PITPNB: variants seen among roughly 807,000 people sequenced by gnomAD.
The protein encoded by PITPNB is phosphatidylinositol transfer protein beta isoform.
PITPNB carries 16 observed loss-of-function variants against 45.9 expected under a neutral mutation model. The ratio of observed to expected loss-of-function variants is 0.35; its 90% confidence interval spans 0.24 to 0.53. The LOEUF (loss-of-function observed/expected upper bound fraction) is 0.53, where lower values mean the gene tolerates loss of function less well. Among genes scored for constraint, PITPNB ranks in the 20% least tolerant of loss-of-function variants. The pLI, the probability that PITPNB is intolerant of heterozygous loss-of-function variation, is 0.93. For missense variants in PITPNB, 188 were observed against 330.5 expected (o/e 0.57, Z 3.34); for synonymous variants, 112 against 108.9 (o/e 1.03, Z -0.18).
chr22:27,901,657 G>C (rs1193923406), intron 3 of PITPNB, among the ~76,000 whole-genome samples: 6 of 152,156 alleles, frequency 3.9e-5, no homozygotes. Flanking sequence ...GTCAAGGTGG[G>C]AGGATCACCT....
chr22:27,895,498 G>A (rs1259428641), intron 6 of PITPNB, among the ~76,000 whole-genome samples: 1 of 141,406 alleles, frequency 7.1e-6, no homozygotes, highest in African/African-American at 2.5e-5. Context: ...GCTGAGGCAG[G>A]AGAATTGCTT....
chr22:27,864,605 CCTTCCATACGATGGGCTA>C (rs1934428617), intron 8 of PITPNB, among the ~76,000 whole-genome samples: 1 of 152,096 alleles, frequency 6.6e-6, no homozygotes, highest in Non-Finnish European at 1.5e-5. Flanking sequence ...ACTTCATAGG[CCTTCCATACGATGGGCTA>C]TTATGCATAC....
Position 27,858,423 on chromosome 22 carries a change from C to G in PITPNB, c.732G>C (p.Arg244Ser). The change falls in exon 10 of 12, where the codon AGG becomes AGC. Residue 244 changes from arginine to serine, a missense_variant. Arg to Ser is a moderately radical substitution (Grantham distance 110, BLOSUM62 -1). Transcript: ENST00000335272. Reference sequence around the variant, plus strand: ...CTTTCTGAGTCTCGTCTTCCATTCTCCTAATGTCTTCCATCGTGAGATCGA... The same window carrying G: ...CTTTCTGAGTCTCGTCTTCCATTCTGCTAATGTCTTCCATCGTGAGATCGA... Reference protein sequence around the residue: ...KWIDLTMEDIRRMEDETQKEL... With the variant: ...KWIDLTMEDISRMEDETQKEL... The G allele has an allele frequency of 6.2e-7, 1 of 1,609,940 alleles. No individual in the cohort carries two copies. The highest frequency in any genetic ancestry group is 8.5e-7 in the Non-Finnish European group (1 of 1,177,310).
intron 7 of PITPNB, among the ~76,000 whole-genome samples, chr22:27,889,351 C>T (rs1247837659): frequency 6.6e-6 from 1 of 152,092 alleles, no homozygotes; most frequent in African/African-American, 2.4e-5. Flanking sequence ...CAGGAATTCA[C>T]TGAGTACCCA....
chr22:27,871,021 C>T (rs1053618274), intron 8 of PITPNB, among the ~76,000 whole-genome samples: 7 of 152,144 alleles, frequency 4.6e-5, no homozygotes, highest in Admixed American at 3.9e-4. Flanking sequence ...AGCACCCTAT[C>T]AGCCTAATAA....
chr22:27,897,630 C>G (rs935130481), intron 4 of PITPNB, among the ~76,000 whole-genome samples, 171 bp downstream of exon 4: 4 of 152,174 alleles, frequency 2.6e-5, no homozygotes, highest in African/African-American at 9.7e-5. Flanking sequence ...TCACAAAGTT[C>G]TAGGGGGAGG....
intron 10 of PITPNB, 66 bp from the exon 11 acceptor site, chr22:27,855,005 G>T: frequency 3.7e-6 from 4 of 1,074,908 alleles, no homozygotes; most frequent in Non-Finnish European, 5.7e-6. Flanking sequence ...TAAGCAAGGG[G>T]AGAAAAAAGA....
intron 6 of PITPNB, among the ~76,000 whole-genome samples, 162 bp from the exon 7 acceptor site, chr22:27,894,800 A>G (rs541898656): frequency 5.9e-5 from 9 of 152,300 alleles, no homozygotes; most frequent in East Asian, 1.9e-4. Flanking sequence ...TGCAGGATCT[A>G]AAAGTCTTTT....
intron 6 of PITPNB, among the ~76,000 whole-genome samples, chr22:27,895,011 G>A (rs1054711892): frequency 6.6e-6 from 1 of 152,052 alleles, no homozygotes; most frequent in Non-Finnish European, 1.5e-5. Flanking sequence ...ACAAACATAA[G>A]GTGACATTAC....
chr22:27,879,070 C>T (rs1279257146), intron 7 of PITPNB, among the ~76,000 whole-genome samples: 1 of 151,846 alleles, frequency 6.6e-6, no homozygotes, highest in Non-Finnish European at 1.5e-5. Context: ...TCAAAGAGAC[C>T]CTCCATAGAG....
At chr22:27,889,295 C>T (rs1450140115) in intron 7 of PITPNB, among the ~76,000 whole-genome samples, 1 of 152,092 alleles carries the variant, frequency 6.6e-6, no homozygotes, top group East Asian at 1.9e-4. Context: ...AGATGGTACA[C>T]CTGTACCTTC....
At chr22:27,900,222 A>G (rs918272898) in intron 3 of PITPNB, among the ~76,000 whole-genome samples, 3 of 151,914 alleles carry the variant, frequency 2.0e-5, no homozygotes, top group Non-Finnish European at 2.9e-5. Flanking sequence ...TAAAAAAAAA[A>G]AAAGAAAGAA....
intron 7 of PITPNB, among the ~76,000 whole-genome samples, chr22:27,876,534 G>A (rs576428257): frequency 1.3e-5 from 2 of 152,296 alleles, no homozygotes; most frequent in South Asian, 2.1e-4. Flanking sequence ...TGAAGAATAC[G>A]TAAATGTTTA....
rs976606624 is a variant in PITPNB, at chr22:27,853,477, C to T, written c.*225G>A. On this transcript the variant is annotated 3_prime_UTR_variant, in exon 12 of 12. Coordinates refer to ENST00000335272, the MANE Select transcript of PITPNB (RefSeq NM_012399.5). ...GTATCTGGATCTGTAGCTCTACATG[C>T]GCTTTATATACAGCTACAGACATAT... is the stretch of plus-strand genomic sequence containing the variant. 107 of 675,680 alleles carry T rather than the reference C, an allele frequency of 1.6e-4. No individual in the cohort carries two copies. The highest frequency in any genetic ancestry group is 2.5e-4 in the Non-Finnish European group (94 of 377,706). The allele number at this position is 675,680 out of a possible 1,614,324, so 41.9% of individuals were successfully genotyped here. A position where few individuals can be genotyped will look rare whatever the true frequency, so the allele number is the denominator to read the frequency against.
At chr22:27,874,792 T>C (rs925761197) in intron 7 of PITPNB, among the ~76,000 whole-genome samples, 16 of 152,218 alleles carry the variant, frequency 1.1e-4, no homozygotes, top group Non-Finnish European at 2.2e-4. Context: ...GGGAGAGTCC[T>C]TTCCTTCTTG....
At chr22:27,899,200 T>C (rs928012667) in intron 3 of PITPNB, among the ~76,000 whole-genome samples, 1 of 152,360 alleles carries the variant, frequency 6.6e-6, no homozygotes, top group Admixed American at 6.5e-5. Context: ...CAAAAAATGG[T>C]AGTTACTGCT....
chr22:27,888,409 C>T (rs1337901460), intron 7 of PITPNB, among the ~76,000 whole-genome samples: 1 of 152,198 alleles, frequency 6.6e-6, no homozygotes, highest in East Asian at 1.9e-4. Context: ...AGCAACAGTT[C>T]CACTAATTTA....
chr22:27,895,983 CA>C (rs1935420499), intron 6 of PITPNB, among the ~76,000 whole-genome samples: 1 of 152,192 alleles, frequency 6.6e-6, no homozygotes, highest in Non-Finnish European at 1.5e-5. Context: ...CAAACCTTAC[CA>C]AAAGTTAATG....
intron 5 of PITPNB, chr22:27,896,917 G>A (rs1935448596): frequency 1.1e-5 from 7 of 616,432 alleles, no homozygotes; most frequent in South Asian, 8.2e-5. Flanking sequence ...AGTAACAAAA[G>A]CAAAATAAAA....
Sources: gnomAD v4.1 joint callset for allele counts (sites outside exome capture counted in the v4.1 genomes callset) on GRCh38, gnomAD v4.1.1 for gene constraint, MANE v1.5 for transcripts, NCBI Gene and HGNC (gene_info 2026-07-23, HGNC 2026-07-21) for gene names.